RABGAP1L: variants seen among roughly 807,000 people sequenced by gnomAD.
RABGAP1L encodes the protein rab GTPase-activating protein 1-like.
A neutral mutation model predicts 137.7 loss-of-function variants in RABGAP1L; 63 were observed. The ratio of observed to expected loss-of-function variants is 0.46; its 90% CI spans 0.37 to 0.56. The LOEUF (loss-of-function observed/expected upper bound fraction) is 0.56, where lower values mean the gene tolerates loss of function less well. Ranked by LOEUF, RABGAP1L falls within the 20% of genes least tolerant of loss-of-function variation. The pLI is 0.00. For synonymous variants in RABGAP1L, 431 were observed against 433.7 expected (o/e 0.99, Z 0.08); for missense variants, 1,095 against 1,244.0 (o/e 0.88, Z 1.80).
intron 19 of RABGAP1L, among the ~76,000 whole-genome samples, chr1:174,885,501 G>T (rs1654925616): frequency 6.6e-6 from 1 of 152,074 alleles, no homozygotes; most frequent in African/African-American, 2.4e-5. Context: ...AGGTGTACAG[G>T]TGCATGTCAC....
chr1:174,789,641 T>C (rs1687708613), intron 18 of RABGAP1L, among the ~76,000 whole-genome samples: 2 of 152,164 alleles, frequency 1.3e-5, no homozygotes, highest in Admixed American at 1.3e-4. Context: ...TGGGGTCTCC[T>C]GGGGAGAACA....
chr1:174,732,377 T>G (rs1408414501), intron 17 of RABGAP1L, among the ~76,000 whole-genome samples: 1 of 152,248 alleles, frequency 6.6e-6, no homozygotes, highest in Non-Finnish European at 1.5e-5. Flanking sequence ...GGCTTAAAGT[T>G]AATACTCTAA....
intron 19 of RABGAP1L, among the ~76,000 whole-genome samples, chr1:174,837,332 T>C (rs1692869843): frequency 2.0e-5 from 3 of 152,262 alleles, no homozygotes; most frequent in African/African-American, 7.2e-5. Flanking sequence ...ATTGAAAATA[T>C]TTTTATGAGA....
At chr1:174,427,573 T>C (rs926623311) in intron 13 of RABGAP1L, among the ~76,000 whole-genome samples, 1 of 152,164 alleles carries the variant, frequency 6.6e-6, no homozygotes, top group Admixed American at 6.5e-5. Context: ...CTGGCATATG[T>C]AGGTCAGTTC....
chr1:174,739,118 A>G (rs1180812578), intron 17 of RABGAP1L, among the ~76,000 whole-genome samples: 1 of 152,180 alleles, frequency 6.6e-6, no homozygotes, highest in Non-Finnish European at 1.5e-5. Flanking sequence ...AGCATGAGTG[A>G]TTTAATTATC....
At chr1:174,347,906 A>G (rs551049004) in intron 11 of RABGAP1L, among the ~76,000 whole-genome samples, 1 of 152,058 alleles carries the variant, frequency 6.6e-6, no homozygotes, top group South Asian at 2.1e-4. Flanking sequence ...TTTACAGGTG[A>G]TGTTTATTTC....
At chr1:174,172,572 C>T (rs950080635) in intron 1 of RABGAP1L, among the ~76,000 whole-genome samples, 8 of 152,226 alleles carry the variant, frequency 5.3e-5, no homozygotes, top group East Asian at 1.9e-4. Context: ...ATTGTGGTTT[C>T]GATTTGCTTT....
chr1:174,384,338 T>C (rs1686546115), intron 12 of RABGAP1L, among the ~76,000 whole-genome samples: 1 of 152,122 alleles, frequency 6.6e-6, no homozygotes, highest in Non-Finnish European at 1.5e-5. Context: ...GTATCTTGGT[T>C]ATGGTAGTGC....
At chr1:174,603,219 C>T (rs904627100) in intron 13 of RABGAP1L, among the ~76,000 whole-genome samples, 1 of 152,134 alleles carries the variant, frequency 6.6e-6, no homozygotes, top group Admixed American at 6.5e-5. Context: ...GTCAAGATCA[C>T]CTTGATGTTC....
chr1:174,964,374 T>G (rs1669431898), intron 20 of RABGAP1L, among the ~76,000 whole-genome samples: 1 of 152,186 alleles, frequency 6.6e-6, no homozygotes, highest in Admixed American at 6.6e-5. Flanking sequence ...CCTTTAAAGC[T>G]TAGTTTCTTT....
intron 10 of RABGAP1L, among the ~76,000 whole-genome samples, chr1:174,298,707 G>C (rs1032360510): frequency 6.6e-6 from 1 of 152,176 alleles, no homozygotes; most frequent in Non-Finnish European, 1.5e-5. Context: ...GACACACCCA[G>C]ATAACTGGTG....
rs1360200915 is a variant in RABGAP1L at position 174,252,597 on chromosome 1, A to G, written c.986+7A>G. On this transcript the variant is annotated splice_region_variant and intron_variant, in intron 7 of 25. Transcript: ENST00000681986. ...AAGAATTAGCTATTGAAAGGTAAGCAGCTTGCTCCTAAATGCTACCAAAAA... is the reference window on the plus strand; with the variant it reads ...AAGAATTAGCTATTGAAAGGTAAGCGGCTTGCTCCTAAATGCTACCAAAAA... 1.2e-6 allele frequency: 2 copies of G among 1,607,782 alleles called. No homozygotes were observed. The highest frequency in any genetic ancestry group is 1.3e-5 in the African/African-American group (1 of 74,416).
At chr1:174,223,040 T>G (rs918363958) in intron 3 of RABGAP1L, among the ~76,000 whole-genome samples, 2 of 151,070 alleles carry the variant, frequency 1.3e-5, no homozygotes, top group Admixed American at 1.3e-4. Flanking sequence ...GAGGCCAAGA[T>G]GGGCAGGTCA....
intron 13 of RABGAP1L, among the ~76,000 whole-genome samples, chr1:174,508,372 T>C (rs1662023735): frequency 6.6e-6 from 1 of 152,174 alleles, no homozygotes; most frequent in Admixed American, 6.5e-5. Flanking sequence ...TTGTCTTCTG[T>C]TTTTTCTCTG....
chr1:174,727,174 T>C (rs906577710), intron 17 of RABGAP1L, among the ~76,000 whole-genome samples: 1 of 152,216 alleles, frequency 6.6e-6, no homozygotes, highest in Non-Finnish European at 1.5e-5. Context: ...ACACTTGTCA[T>C]ATGCATAGCA....
chr1:174,737,339 G>A (rs993959376), intron 17 of RABGAP1L, among the ~76,000 whole-genome samples: 2 of 152,098 alleles, frequency 1.3e-5, no homozygotes, highest in Non-Finnish European at 2.9e-5. Context: ...CAAATCCCTA[G>A]GACTCAGACA....
At chr1:174,443,642 C>T (rs1450731551) in intron 13 of RABGAP1L, among the ~76,000 whole-genome samples, 1 of 151,828 alleles carries the variant, frequency 6.6e-6, no homozygotes, top group African/African-American at 2.4e-5. Context: ...GCCTGTTCAC[C>T]GTGTTGATTA....
intron 10 of RABGAP1L, among the ~76,000 whole-genome samples, chr1:174,295,074 A>G (rs1337909024): frequency 2.0e-5 from 3 of 152,204 alleles, no homozygotes; most frequent in East Asian, 3.9e-4. Flanking sequence ...GCGTGCCACC[A>G]TGCCCGGCTA....
intron 3 of RABGAP1L, among the ~76,000 whole-genome samples, chr1:174,224,245 G>A (rs1669992457): frequency 1.3e-5 from 2 of 152,128 alleles, no homozygotes; most frequent in African/African-American, 4.8e-5. Context: ...GGAGGCCAAG[G>A]TGGGTGGATT....
Sources: gnomAD v4.1 joint callset for allele counts (sites outside exome capture counted in the v4.1 genomes callset) on GRCh38, gnomAD v4.1.1 for gene constraint, MANE v1.5 for transcripts, NCBI Gene and HGNC (gene_info 2026-07-23, HGNC 2026-07-21) for gene names.